The following SMC1B variants were observed in gnomAD, a reference collection of about 807,000 sequenced individuals.
The protein encoded by SMC1B is structural maintenance of chromosomes 1B.
Under a neutral mutation model 157.9 loss-of-function variants are expected in SMC1B, and 60 were observed. The ratio of observed to expected loss-of-function variants is 0.38; its 90% CI spans 0.31 to 0.47. SMC1B has a LOEUF of 0.47. Ranked by LOEUF, SMC1B falls within the 20% of genes least tolerant of loss-of-function variation. SMC1B has a pLI of 0.99. For synonymous variants in SMC1B, 445 were observed against 483.0 expected (o/e 0.92, Z 1.03); for missense variants, 1,165 against 1,426.2 (o/e 0.82, Z 2.95).
Position 45,383,467 on chromosome 22 carries a change from C to A in SMC1B, c.2058G>T (p.Lys686Asn). Residue 686 changes from lysine to asparagine, a missense_variant and splice_region_variant, in exon 12 of 25, where the codon AAG becomes AAT. Transcript: ENST00000357450. ...DRRSQKIQEL[K>N]GLMKTLRKET... ...TACAACTTTTATGACATGGATTTAC[C>A]TTTAGCTCTTGGATTTTCTGGCTTC... 1 of 1,591,836 alleles carries A rather than the reference C, an allele frequency of 6.3e-7. No homozygotes were observed. The highest frequency in any genetic ancestry group is 1.9e-5 in the Admixed American group (1 of 52,706).
At chr22:45,394,857 G>A (rs2087105108) in intron 7 of SMC1B, 90 bp from the exon 8 acceptor site, 1 of 1,218,042 alleles carries the variant, frequency 8.2e-7, no homozygotes, top group African/African-American at 1.6e-5. Flanking sequence ...ATTATAAGCT[G>A]TTATAAAATT....
intron 7 of SMC1B, among the ~76,000 whole-genome samples, chr22:45,395,883 G>C (rs888091646): frequency 1.3e-5 from 2 of 152,114 alleles, no homozygotes; most frequent in African/African-American, 4.8e-5. Context: ...GTTATATGAG[G>C]AAGAAATTAT....
rs147224861 is a variant in SMC1B, at chr22:45,359,119, C to T, written c.2863-324G>A. 2.4e-3 allele frequency among the ~76,000 whole-genome samples: 360 copies of T among 152,178 alleles called. 3 individuals are homozygous for T. The highest frequency in any genetic ancestry group is 7.8e-3 in the African/African-American group (322 of 41,508). On this transcript the variant is annotated intron_variant, in intron 18 of 24. Coordinates refer to ENST00000357450, the MANE Select transcript of SMC1B (RefSeq NM_148674.5). ...GCAATATCTGTGAAGTAGAATAAAACGAGGCATGCATGTATATGGGAGGAT... is the reference window on the plus strand; with the variant it reads ...GCAATATCTGTGAAGTAGAATAAAATGAGGCATGCATGTATATGGGAGGAT...
intron 23 of SMC1B, 26 bp from the exon 24 acceptor site, chr22:45,345,595 C>T (rs1412913745): frequency 7.0e-7 from 1 of 1,425,122 alleles, no homozygotes; most frequent in Non-Finnish European, 9.9e-7. Flanking sequence ...ACACACATTT[C>T]ACTAGGAAGG....
chr22:45,353,897 A>AAAAAAAAAAAAAAAC, intron 21 of SMC1B, 81 bp downstream of exon 21: 1 of 482,232 alleles, frequency 2.1e-6, no homozygotes, highest in Non-Finnish European at 3.3e-6. Flanking sequence ...TCCCACCAAA[A>AAAAAAAAAAAAAAAC]AAAAAAAAAA....
rs1421164879 is a variant in SMC1B at position 45,399,142 on chromosome 22, C to T, written c.1066G>A (p.Glu356Lys). Residue 356 changes from glutamate (E) to lysine (K), a missense_variant, in exon 6 of 25, where the codon GAA becomes AAA. Glu to Lys is a moderately conservative substitution (Grantham distance 56). Coordinates refer to ENST00000357450, the MANE Select transcript of SMC1B (RefSeq NM_148674.5). ...AWRSFEKQIE[E>K]EILHKKRDIE... ...TCTCGCTTTTTATGTAAAATTTCTT[C>T]CTCAATCTGCTTTTCAAAACTTCTC... 5 of 1,613,730 alleles carry T rather than the reference C, an allele frequency of 3.1e-6. No homozygotes were observed. In the African/African-American group the frequency reaches 5.3e-5, roughly 17 times the overall value.
Position 45,361,923 on chromosome 22 carries a change from T to C in SMC1B, c.2624A>G (p.Asp875Gly). The C allele has an allele frequency of 6.2e-7, 1 of 1,614,194 alleles. No homozygotes were observed. Among genetic ancestry groups the C allele is most frequent in the Non-Finnish European group, 8.5e-7 (1 of 1,180,018 alleles). Residue 875 changes from aspartate (D) to glycine (G), a missense_variant, in exon 17 of 25, where the codon GAC becomes GGC. Physicochemically the swap from Asp to Gly is moderately conservative, Grantham distance 94. Transcript: ENST00000357450. The stretch of plus-strand genomic sequence containing the variant: ...ACTGGAGTTCTGAGTGACACGTATG[T>C]CCTTAAGTTGCTGCTGCTTTGCCAT... ...ELMAKQQQLK[D>G]IRVTQNSSAE...
At chr22:45,353,261 CAAAAAA>C (rs11311805) in intron 21 of SMC1B, among the ~76,000 whole-genome samples, 1 of 102,590 alleles carries the variant, frequency 9.7e-6, no homozygotes, top group South Asian at 3.1e-4. Flanking sequence ...AACTCTGTCT[CAAAAAA>C]AAAAAAAAAA....
At chr22:45,358,955 G>A (rs1247420344) in intron 18 of SMC1B, among the ~76,000 whole-genome samples, 160 bp from the exon 19 acceptor site, 2 of 152,050 alleles carry the variant, frequency 1.3e-5, no homozygotes, top group Non-Finnish European at 2.9e-5. Context: ...GAAAGATTTC[G>A]AGAATTATCA....
In SMC1B at chr22:45,401,952, C is replaced by T. The variant is rs145045001; in HGVS notation, c.854+381G>A. Among the ~76,000 whole-genome samples, 709 of 152,014 alleles carry T rather than the reference C, an allele frequency of 4.7e-3. 4 individuals carry two copies. Among genetic ancestry groups the T allele is most frequent in the African/African-American group, 0.016 (677 of 41,454 alleles). ...AGGCTGGAGTGTAGTGGCGTGATCT[C>T]GGCTCACTGCAAGCTCCACCTCCCA... On this transcript the variant is annotated intron_variant, in intron 5 of 24. Coordinates refer to ENST00000357450, the MANE Select transcript of SMC1B (RefSeq NM_148674.5).
intron 21 of SMC1B, 69 bp downstream of exon 21, chr22:45,353,909 A>AAAC: frequency 1.5e-6 from 1 of 684,094 alleles, no homozygotes; most frequent in African/African-American, 1.7e-5. Context: ...AAAAAAAAAA[A>AAAC]AAAAAAAAAA....
In SMC1B at chr22:45,413,477, T is replaced by C. The variant is rs749444553; in HGVS notation, c.91A>G (p.Ile31Val). Residue 31 changes from isoleucine (I) to valine (V), a missense_variant, in exon 1 of 25, where the codon ATC becomes GTC. Coordinates refer to ENST00000357450, the MANE Select transcript of SMC1B (RefSeq NM_148674.5). ...IGPFRRFTCIIGPNGSGKSNV... is the reference protein window; with the variant it reads ...IGPFRRFTCIVGPNGSGKSNV... Reference sequence around the variant, plus strand: ...CAGTTACCAGAGCCGTTGGGGCCGATGATGCAGGTGAACCTCCGGAAGGGG... The same window carrying C: ...CAGTTACCAGAGCCGTTGGGGCCGACGATGCAGGTGAACCTCCGGAAGGGG... 36 of 1,609,522 alleles carry C rather than the reference T, an allele frequency of 2.2e-5. No individual in the cohort carries two copies. The highest frequency in any genetic ancestry group is 3.0e-5 in the Non-Finnish European group (35 of 1,178,126).
chr22:45,358,962 A>G (rs1015583454), intron 18 of SMC1B, among the ~76,000 whole-genome samples, 167 bp from the exon 19 acceptor site: 8 of 152,210 alleles, frequency 5.3e-5, no homozygotes, highest in Non-Finnish European at 1.2e-4. Context: ...TTCGAGAATT[A>G]TCAAAATGTG....
Position 45,353,271 on chromosome 22 carries a change from A to C in SMC1B, c.3274-669T>G, listed in dbSNP as rs575285658. Among the ~76,000 whole-genome samples, 182 of 120,368 alleles carry C rather than the reference A, an allele frequency of 1.5e-3. 1 individual carries two copies. The highest frequency in any genetic ancestry group is 5.9e-3 in the African/African-American group (176 of 29,632). The allele number at this position is 120,368 out of a possible 152,430, so 79.0% of individuals were successfully genotyped here. Reference sequence around the variant, plus strand: ...AGGGAAACTCTGTCTCAAAAAAAAAAAAAAAAGAAAGAAAGAAAGAAAAAA... The same window carrying C: ...AGGGAAACTCTGTCTCAAAAAAAAACAAAAAAGAAAGAAAGAAAGAAAAAA... On this transcript the variant is annotated intron_variant, in intron 21 of 24. Coordinates refer to ENST00000357450, the MANE Select transcript of SMC1B (RefSeq NM_148674.5).
chr22:45,370,028 T>C lies in SMC1B; in HGVS notation c.2346A>G (p.Glu782=). The stretch of plus-strand genomic sequence containing the variant: ...CACGAATATTTTCCACGCCAATTTC[T>C]TCACAGAAGTGTTGGAAGATATCGT... ...VEDDIFQHFC[E]EIGVENIREF... Residue 782 remains glutamate, a synonymous_variant, in exon 15 of 25, where the codon GAA becomes GAG. Coordinates refer to ENST00000357450, the MANE Select transcript of SMC1B (RefSeq NM_148674.5). 6.3e-7 allele frequency: 1 copy of C among 1,594,800 alleles called. No individual in the cohort carries two copies. Among genetic ancestry groups the C allele is most frequent in the South Asian group, 1.2e-5 (1 of 86,772 alleles).
chr22:45,355,911 A>C (rs2086665189), intron 19 of SMC1B, among the ~76,000 whole-genome samples: 1 of 152,174 alleles, frequency 6.6e-6, no homozygotes, highest in Non-Finnish European at 1.5e-5. Context: ...CTCTACTAAA[A>C]ATACAAAAAT....
chr22:45,369,538 GTTTC>G (rs2086809629), intron 15 of SMC1B, among the ~76,000 whole-genome samples: 2 of 133,454 alleles, frequency 1.5e-5, no homozygotes, highest in South Asian at 4.7e-4. Flanking sequence ...TTTACTAGCT[GTTTC>G]TTTTTTTTTT....
In SMC1B at chr22:45,410,060, G is replaced by T. The variant is rs1465477112; in HGVS notation, c.110-1162C>A. Among the ~76,000 whole-genome samples the T allele has an allele frequency of 2.0e-5, 3 of 152,326 alleles. No individual in the cohort carries two copies. The East Asian group carries it at 5.8e-4, about 29-fold the overall frequency. On this transcript the variant is annotated intron_variant, in intron 1 of 24. Transcript: ENST00000357450. ...CACATGTGTGGACTAGCTGCTGGAG[G>T]AATGAAGCACTGAGTGACACCAATG... is the stretch of plus-strand genomic sequence containing the variant.
At chr22:45,381,811 A>G (rs1479971648) in intron 12 of SMC1B, among the ~76,000 whole-genome samples, 1 of 152,256 alleles carries the variant, frequency 6.6e-6, no homozygotes, top group Non-Finnish European at 1.5e-5. Context: ...CCTTAGATTA[A>G]AACATAAAAT....
Sources: allele counts gnomAD v4.1 joint callset (sites outside exome capture counted in the v4.1 genomes callset), GRCh38; gene constraint gnomAD v4.1.1; transcripts MANE v1.5; gene names NCBI Gene and HGNC (gene_info 2026-07-23, HGNC 2026-07-21).